Variants in SLC24A4 observed in about 807,000 individuals in gnomAD.
SLC24A4 encodes sodium/potassium/calcium exchanger 4.
Under a neutral mutation model 79.0 loss-of-function variants are expected in SLC24A4, and 53 were observed. That is an observed-to-expected ratio of 0.67 (90% CI 0.54 to 0.84). The LOEUF is 0.84. Among genes scored for constraint, SLC24A4 ranks in the 40% least tolerant of loss-of-function variants. SLC24A4 has a pLI of 0.00. For synonymous variants in SLC24A4, 323 were observed against 323.8 expected (o/e 1.00, Z 0.03); for missense variants, 731 against 822.0 (o/e 0.89, Z 1.35).
intron 2 of SLC24A4, among the ~76,000 whole-genome samples, chr14:92,359,177 C>T (rs1181676043): frequency 1.1e-4 from 16 of 152,158 alleles, no homozygotes. Flanking sequence ...GCCTAGCAGG[C>T]TTACCTAGTC....
At position 92,342,359 on chromosome 14, in the gene SLC24A4, T is replaced by C. The variant is rs79669461; in HGVS notation, c.241+16381T>C. On this transcript the variant is annotated intron_variant, in intron 2 of 16. Transcript: ENST00000532405. ...ACATGCTCCCAGATTCTTCTTTTTT[T>C]CCCCATTTATTTATTTATTTATTTA... is the stretch of plus-strand genomic sequence containing the variant. 6.1e-5 allele frequency among the ~76,000 whole-genome samples: 7 copies of C among 114,914 alleles called. No homozygotes were observed. The East Asian group carries it at 1.2e-3, about 20-fold the overall frequency. 75.4% of individuals were successfully genotyped at this position (114,914 alleles called of 152,430 possible). A position where few individuals can be genotyped will look rare whatever the true frequency, so the allele number is the denominator to read the frequency against.
chr14:92,336,830 G>C (rs1008803977), intron 2 of SLC24A4, among the ~76,000 whole-genome samples: 2 of 152,144 alleles, frequency 1.3e-5, no homozygotes, highest in South Asian at 2.1e-4. Flanking sequence ...GGCCTCAAAG[G>C]GTAGGTGGAG....
chr14:92,414,353 T>C (rs867047208), intron 2 of SLC24A4, among the ~76,000 whole-genome samples: 2 of 150,590 alleles, frequency 1.3e-5, no homozygotes, highest in Admixed American at 1.3e-4. Context: ...TGAGCACTGC[T>C]TCCCCACATG....
At chr14:92,408,357 T>C in intron 2 of SLC24A4, 1 of 984,526 alleles carries the variant, frequency 1.0e-6, no homozygotes, top group Non-Finnish European at 1.2e-6. Context: ...ATTATTTACT[T>C]GACCATCCCA....
rs1445833347 is a variant in SLC24A4 at position 92,501,178 on chromosome 14, C to T, written c.*7550C>T. On this transcript the variant is annotated 3_prime_UTR_variant, in exon 17 of 17. Coordinates refer to ENST00000532405, the MANE Select transcript of SLC24A4 (RefSeq NM_153646.4). ...TTCATTCTCTCTCTAATGGGCAAAG[C>T]AGGATCATCGAGTTGAAAAGTTGTA... is the stretch of plus-strand genomic sequence containing the variant. 3 of 152,210 alleles carry T rather than the reference C, an allele frequency of 2.0e-5. No individual in the cohort carries two copies. Among genetic ancestry groups the T allele is most frequent in the African/African-American group, 7.2e-5 (3 of 41,450 alleles). 9.4% of individuals were successfully genotyped at this position (152,210 alleles called of 1,614,324 possible).
intron 2 of SLC24A4, 29 bp downstream of exon 2, chr14:92,326,007 C>T (rs775683790): frequency 1.3e-6 from 2 of 1,503,976 alleles, no homozygotes; most frequent in Non-Finnish European, 1.8e-6. Context: ...TCCACTCAGT[C>T]TACTAAGATG....
At chr14:92,451,598 T>C (rs760801582) in intron 10 of SLC24A4, 4 of 152,236 alleles carry the variant, frequency 2.6e-5, no homozygotes, top group Non-Finnish European at 5.9e-5. Flanking sequence ...CGAGCTGTTC[T>C]CAGTTTTTGG....
rs950255810 is a variant in SLC24A4, at chr14:92,494,492, G to A, written c.*864G>A. The A allele has an allele frequency of 2.6e-5, 4 of 152,212 alleles. No homozygotes were observed. Among genetic ancestry groups the A allele is most frequent in the African/African-American group, 7.2e-5 (3 of 41,446 alleles). 9.4% of individuals were successfully genotyped at this position (152,212 alleles called of 1,614,324 possible). The stretch of plus-strand genomic sequence containing the variant: ...AAAGGTAAGAGACTAACGTGGAAAG[G>A]TGCTAACTCAGAGACTGGAGATTAT... On this transcript the variant is annotated 3_prime_UTR_variant, in exon 17 of 17. Transcript: ENST00000532405. This position sits in a 1 kb window ranked among gnomAD's most constrained non-coding sequence, Gnocchi z 4.6.
chr14:92,456,417 TC>T lies in SLC24A4; in HGVS notation c.1065del (p.Asn356ThrfsTer6). On this transcript the variant is annotated frameshift_variant, in exon 12 of 17. Transcript: ENST00000532405. LOFTEE classifies it high-confidence loss of function. ...RIIINERQRLINSANGVSSKP... is the reference protein window; with the variant it reads ...RIIINERQRLXNSANGVSSKP... ...CTGTCCACACAGCGGCAGAGACTGA[TC>T]AACTCGGCCAATGGTGTGAGCAGTA... 1 of 1,614,138 alleles carries T rather than the reference TC, an allele frequency of 6.2e-7. No homozygotes were observed. Among genetic ancestry groups the T allele is most frequent in the Non-Finnish European group, 8.5e-7 (1 of 1,180,018 alleles).
At chr14:92,342,367 T>TAATTA (rs1886205043) in intron 2 of SLC24A4, among the ~76,000 whole-genome samples, 24 of 135,288 alleles carry the variant, frequency 1.8e-4, no homozygotes, top group Non-Finnish European at 3.2e-4. Context: ...TTTCCCCATT[T>TAATTA]ATTTATTTAT....
intron 2 of SLC24A4, among the ~76,000 whole-genome samples, chr14:92,377,390 A>G (rs1018087769): frequency 6.6e-6 from 1 of 152,272 alleles, no homozygotes; most frequent in African/African-American, 2.4e-5. Flanking sequence ...TTGAGCAGGT[A>G]GATGAAATAT....
chr14:92,387,950 A>G lies in SLC24A4; in HGVS notation c.242-45962A>G, dbSNP rs113143311. ...ATTCTGTGGATCCATTCATCCATCC[A>G]TGGACATTCACACTGTTTCCACCTT... On this transcript the variant is annotated intron_variant, in intron 2 of 16. Transcript: ENST00000532405. 3.8e-3 allele frequency among the ~76,000 whole-genome samples: 573 copies of G among 152,366 alleles called. 4 individuals carry two copies. The highest frequency in any genetic ancestry group is 0.012 in the African/African-American group (498 of 41,590).
Position 92,430,750 on chromosome 14 carries a change from G to T in SLC24A4, c.242-3162G>T, listed in dbSNP as rs192561949. ...CCATGTCCCCAGGGCAGGGGTGGGG[G>T]CTGGGATCATCCCTGGTTCCTTGAG... is the stretch of plus-strand genomic sequence containing the variant. On this transcript the variant is annotated intron_variant, in intron 2 of 16. Transcript: ENST00000532405. Among the ~76,000 whole-genome samples, 953 of 152,322 alleles carry T rather than the reference G, an allele frequency of 6.3e-3. 5 individuals are homozygous for T. Among genetic ancestry groups the T allele is most frequent in the South Asian group, 0.018 (85 of 4,830 alleles).
At chr14:92,492,672 A>G (rs554412420) in intron 16 of SLC24A4, among the ~76,000 whole-genome samples, 1 of 152,200 alleles carries the variant, frequency 6.6e-6, no homozygotes, top group African/African-American at 2.4e-5. Flanking sequence ...CTATCCTTAC[A>G]ACCACCTGAT....
intron 4 of SLC24A4, 133 bp downstream of exon 4, chr14:92,439,542 T>C: frequency 1.2e-6 from 1 of 819,626 alleles, no homozygotes. Context: ...GCACTTAGTG[T>C]CTGCCCCATG....
chr14:92,397,540 G>A (rs534798126), intron 2 of SLC24A4, among the ~76,000 whole-genome samples: 5 of 152,324 alleles, frequency 3.3e-5, no homozygotes, highest in African/African-American at 1.2e-4. Context: ...TGGAGGAGGG[G>A]GCATCCTGTC....
At chr14:92,429,111 T>A (rs1891722586) in intron 2 of SLC24A4, among the ~76,000 whole-genome samples, 1 of 152,172 alleles carries the variant, frequency 6.6e-6, no homozygotes, top group Admixed American at 6.5e-5. Flanking sequence ...CTGCACAAGA[T>A]GTTATTGGAT....
intron 12 of SLC24A4, among the ~76,000 whole-genome samples, chr14:92,464,252 A>G (rs964751122): frequency 1.3e-5 from 2 of 152,178 alleles, no homozygotes; most frequent in African/African-American, 4.8e-5. Flanking sequence ...TTATATTCCA[A>G]AGTGGGAAAC....
intron 2 of SLC24A4, among the ~76,000 whole-genome samples, chr14:92,343,632 CTTTCTTTCTCTCT>C (rs1566699987): frequency 2.7e-5 from 4 of 147,356 alleles, no homozygotes; most frequent in Admixed American, 6.8e-5. Context: ...TTCTTTCTTT[CTTTCTTTCTCTCT>C]TTCCTTCTTT....
Sources: gnomAD v4.1 joint callset for allele counts (sites outside exome capture counted in the v4.1 genomes callset) on GRCh38, gnomAD v4.1.1 for gene constraint, Gnocchi (gnomAD v3.1) non-coding constraint, MANE v1.5 for transcripts, NCBI Gene and HGNC (gene_info 2026-07-23, HGNC 2026-07-21) for gene names.